Variants in CDH4 observed in about 807,000 individuals in gnomAD.
CDH4 encodes the protein cadherin 4.
Under a neutral mutation model 86.0 loss-of-function variants are expected in CDH4, and 33 were observed. That is an observed-to-expected ratio of 0.38 (90% CI 0.29 to 0.51). CDH4 has a LOEUF of 0.51. CDH4 is among the 20% of genes least tolerant of loss of function. The probability of loss-of-function intolerance (pLI) is 0.86; values close to 1 mark genes in which losing one functional copy is unlikely to be tolerated. For missense variants in CDH4, 1,114 were observed against 1,307.4 expected (o/e 0.85, Z 2.28); for synonymous variants, 555 against 549.4 (o/e 1.01, Z -0.14).
intron 4 of CDH4, among the ~76,000 whole-genome samples, chr20:61,817,321 T>C (rs936849392): frequency 6.6e-6 from 1 of 152,032 alleles, no homozygotes; most frequent in Non-Finnish European, 1.5e-5. Flanking sequence ...AGCTCTCACC[T>C]CTGTGCCTTG....
At chr20:61,921,660 G>C (rs889395689) in intron 9 of CDH4, among the ~76,000 whole-genome samples, 1 of 151,754 alleles carries the variant, frequency 6.6e-6, no homozygotes, top group Middle Eastern at 3.4e-3. Flanking sequence ...GCTGAGGCAG[G>C]AGAATCACTT....
At chr20:61,804,987 G>A (rs574788136) in intron 4 of CDH4, among the ~76,000 whole-genome samples, 2 of 152,182 alleles carry the variant, frequency 1.3e-5, no homozygotes, top group East Asian at 3.8e-4. Context: ...CAGACCTGCC[G>A]TCTTTGACAT....
intron 2 of CDH4, among the ~76,000 whole-genome samples, chr20:61,294,376 C>G (rs576899189): frequency 1.3e-5 from 2 of 152,196 alleles, no homozygotes. Context: ...TCTGTGGTCT[C>G]GCCATCTGGG....
intron 2 of CDH4, among the ~76,000 whole-genome samples, chr20:61,618,971 A>G (rs113262529): frequency 6.6e-6 from 1 of 152,162 alleles, no homozygotes; most frequent in Non-Finnish European, 1.5e-5. Flanking sequence ...TACCTCAACA[A>G]TAGGAGATCT....
chr20:61,406,382 C>G (rs190396613), intron 2 of CDH4, among the ~76,000 whole-genome samples: 2 of 146,930 alleles, frequency 1.4e-5, no homozygotes, highest in Non-Finnish European at 3.0e-5. Context: ...CTGCTCTGCC[C>G]GGACCACTGT....
intron 2 of CDH4, among the ~76,000 whole-genome samples, chr20:61,733,466 C>G (rs75789431): frequency 0.055 from 8,329 of 152,212 alleles, 300 homozygotes; most frequent in Middle Eastern, 0.075. Flanking sequence ...CCTCGGGATG[C>G]ATGCTTCCTC....
rs1393368924 is a variant in CDH4 at position 61,773,137 on chromosome 20, C to T, written c.531C>T (p.Asn177=). ...GGGACTGGGTCATCCCGCCCATCAA[C>T]GTGCCCGAGAACTCGCGCGGGCCCT... The part of the protein sequence containing the change: ...RKRDWVIPPI[N]VPENSRGPFP... Residue 177 remains asparagine (N), a synonymous_variant, in exon 4 of 16, where the codon AAC becomes AAT. Coordinates refer to ENST00000614565, the MANE Select transcript of CDH4 (RefSeq NM_001794.5). The T allele has an allele frequency of 1.9e-6, 3 of 1,605,526 alleles. No individual in the cohort carries two copies. Among genetic ancestry groups the T allele is most frequent in the Non-Finnish European group, 1.7e-6 (2 of 1,176,442 alleles).
intron 3 of CDH4, among the ~76,000 whole-genome samples, chr20:61,765,780 G>GCCT (rs1198777748): frequency 1.3e-5 from 2 of 152,118 alleles, no homozygotes; most frequent in Non-Finnish European, 2.9e-5. Flanking sequence ...AGCCCCAGGT[G>GCCT]CCTGTGGGGG....
intron 2 of CDH4, among the ~76,000 whole-genome samples, chr20:61,565,062 T>G (rs1036260516): frequency 8.9e-5 from 9 of 101,252 alleles, no homozygotes; most frequent in East Asian, 6.7e-4. Flanking sequence ...GGTGGTGCTC[T>G]TGGTGGTGGT....
Position 61,703,971 on chromosome 20 carries a change from CAG to C in CDH4, c.170-39589_170-39588del, listed in dbSNP as rs2087803452. Among the ~76,000 whole-genome samples, 1 of 151,966 alleles carries C rather than the reference CAG, an allele frequency of 6.6e-6. No individual in the cohort carries two copies. Among genetic ancestry groups the C allele is most frequent in the Admixed American group, 6.5e-5 (1 of 15,268 alleles). ...AGGGGTGTGGTTGGGATGAGGGTGG[CAG>C]AGTCACAGCCGCTGGGAGTGGCCGG... On this transcript the variant is annotated intron_variant, in intron 2 of 15. Coordinates refer to ENST00000614565, the MANE Select transcript of CDH4 (RefSeq NM_001794.5). The surrounding 1 kb of genome is among the most constrained non-coding windows in gnomAD (Gnocchi z 4.3).
rs889501388 is a variant in CDH4, at chr20:61,377,077, G to A, written c.169+122140G>A. 5.3e-5 allele frequency among the ~76,000 whole-genome samples: 8 copies of A among 152,186 alleles called. No individual in the cohort carries two copies. Among genetic ancestry groups the A allele is most frequent in the Non-Finnish European group, 7.3e-5 (5 of 68,038 alleles). On this transcript the variant is annotated intron_variant, in intron 2 of 15. Transcript: ENST00000614565. This position sits in a 1 kb window ranked among gnomAD's most constrained non-coding sequence, Gnocchi z 4.0. ...GCACCCACCACCAACACGTGAGGGC[G>A]GCTGCTGTCCTTCAAGTCTGCGTTG...
intron 5 of CDH4, among the ~76,000 whole-genome samples, chr20:61,849,181 G>A (rs1291462610): frequency 6.6e-6 from 1 of 152,066 alleles, no homozygotes. Flanking sequence ...GTCCCACCGA[G>A]ATGGAGGCCT....
intron 3 of CDH4, among the ~76,000 whole-genome samples, chr20:61,766,105 C>T (rs1423179989): frequency 6.6e-6 from 1 of 152,044 alleles, no homozygotes; most frequent in African/African-American, 2.4e-5. Flanking sequence ...ACCTCCCTCC[C>T]TGGCAGGCCC....
At chr20:61,862,417 T>C (rs1215268977) in intron 6 of CDH4, among the ~76,000 whole-genome samples, 1 of 151,808 alleles carries the variant, frequency 6.6e-6, no homozygotes, top group Admixed American at 6.6e-5. Flanking sequence ...TGGGCAGGAG[T>C]CCATGAGGAC....
chr20:61,418,124 G>T (rs1381278686), intron 2 of CDH4, among the ~76,000 whole-genome samples: 1 of 152,104 alleles, frequency 6.6e-6, no homozygotes. Flanking sequence ...CTTTGTGCTG[G>T]CCCTTTGGTC....
intron 2 of CDH4, among the ~76,000 whole-genome samples, chr20:61,459,211 T>C (rs562089552): frequency 6.6e-6 from 1 of 152,070 alleles, no homozygotes; most frequent in East Asian, 2.0e-4. Flanking sequence ...CTCCAGAAGG[T>C]TGGTCCTGTG....
intron 2 of CDH4, among the ~76,000 whole-genome samples, chr20:61,271,122 T>A (rs1332500885): frequency 6.6e-6 from 1 of 152,162 alleles, no homozygotes; most frequent in Non-Finnish European, 1.5e-5. Context: ...GGTTGGAATT[T>A]CAGCACGTCA....
chr20:61,358,189 G>A (rs182974926), intron 2 of CDH4, among the ~76,000 whole-genome samples: 81 of 152,260 alleles, frequency 5.3e-4, no homozygotes, highest in African/African-American at 1.8e-3. Context: ...CAGAAACCTC[G>A]AAACCCCTCC....
chr20:61,476,978 A>G (rs967867517), intron 2 of CDH4, among the ~76,000 whole-genome samples: 2 of 152,188 alleles, frequency 1.3e-5, no homozygotes, highest in Admixed American at 1.3e-4. Context: ...CGGGAGAGAC[A>G]GAGAGGCCAG....
Sources: gnomAD v4.1 joint callset for allele counts (sites outside exome capture counted in the v4.1 genomes callset) on GRCh38, gnomAD v4.1.1 for gene constraint, Gnocchi (gnomAD v3.1) non-coding constraint, MANE v1.5 for transcripts, NCBI Gene and HGNC (gene_info 2026-07-23, HGNC 2026-07-21) for gene names.